Variants in DENND1A observed in about 807,000 individuals in gnomAD.
The protein encoded by DENND1A is DENN domain containing 1A.
In DENND1A, 51 loss-of-function variants were observed where a neutral mutation model predicts 113.7. The observed-to-expected ratio is 0.45, with a 90% CI of 0.36 to 0.57. DENND1A has a LOEUF of 0.57. Ranked by LOEUF, DENND1A falls within the 20% of genes least tolerant of loss-of-function variation. The pLI, the probability that DENND1A is intolerant of heterozygous loss-of-function variation, is 0.00. For synonymous variants in DENND1A, 565 were observed against 570.8 expected (o/e 0.99, Z 0.14); for missense variants, 1,258 against 1,395.9 (o/e 0.90, Z 1.57).
At chr9:123,450,638 TGGCCATGCA>T in intron 18 of DENND1A, 46 bp downstream of exon 18, 1 of 1,445,754 alleles carries the variant, frequency 6.9e-7, no homozygotes, top group Non-Finnish European at 9.6e-7. Flanking sequence ...TACTTTTTTG[TGGCCATGCA>T]TTTCATACAT....
At chr9:123,581,513 T>G (rs897684751) in intron 12 of DENND1A, among the ~76,000 whole-genome samples, 2 of 151,844 alleles carry the variant, frequency 1.3e-5, no homozygotes, top group African/African-American at 4.8e-5. Context: ...CGGTCCCAGC[T>G]ACTTGGGAGG....
At chr9:123,743,119 C>G (rs1243124699) in intron 5 of DENND1A, among the ~76,000 whole-genome samples, 1 of 152,136 alleles carries the variant, frequency 6.6e-6, no homozygotes, top group Non-Finnish European at 1.5e-5. Flanking sequence ...AAAAATCTCT[C>G]CTGAGCGAGG....
At chr9:123,623,647 A>C (rs907818807) in intron 10 of DENND1A, among the ~76,000 whole-genome samples, 8 of 152,248 alleles carry the variant, frequency 5.3e-5, no homozygotes, top group African/African-American at 1.9e-4. Context: ...TATAGCTCTA[A>C]TTAAAGTTAA....
At position 123,382,145 on chromosome 9, in the gene DENND1A, C is replaced by T. The variant is rs139597680; in HGVS notation, c.2500G>A (p.Gly834Arg). 1.3e-4 allele frequency: 200 copies of T among 1,599,700 alleles called. 1 individual carries two copies. The African/African-American group carries it at 1.6e-3, about 13-fold the overall frequency. Residue 834 changes from glycine (G) to arginine (R), a missense_variant, in exon 24 of 24, where the codon GGG becomes AGG. Around this residue, in one of 2 missense-constraint regions of DENND1A, gnomAD observed 1,159 missense variants for 1,231.7 expected, o/e 0.94. Transcript: ENST00000394215. ...GCGTCACTGCTCGTGCCTGCAGCCC[C>T]GGGGCCAGGGCTGAGCGGCTGGAGC... ...ELLQPLSPGP[G>R]AAGTSSDALL...
chr9:123,391,796 T>A (rs1003372370), intron 21 of DENND1A, among the ~76,000 whole-genome samples: 1 of 142,142 alleles, frequency 7.0e-6, no homozygotes, highest in East Asian at 2.1e-4. Flanking sequence ...TTTTCCCTCA[T>A]TAACCCAATT....
chr9:123,632,076 A>G (rs779519515), intron 9 of DENND1A, among the ~76,000 whole-genome samples: 2 of 152,144 alleles, frequency 1.3e-5, no homozygotes, highest in East Asian at 1.9e-4. Context: ...TGACGTGCCA[A>G]GGCCCAGTTA....
intron 2 of DENND1A, among the ~76,000 whole-genome samples, chr9:123,820,742 T>C (rs1838329904): frequency 6.6e-6 from 1 of 152,262 alleles, no homozygotes; most frequent in South Asian, 2.1e-4. Context: ...TTTTGTAGGA[T>C]TAAAGTTTTA....
chr9:123,829,600 A>C (rs778417689), intron 2 of DENND1A, among the ~76,000 whole-genome samples: 4 of 152,060 alleles, frequency 2.6e-5, no homozygotes, highest in Non-Finnish European at 5.9e-5. Context: ...AAAATCAAAC[A>C]GATGGATAAT....
intron 2 of DENND1A, among the ~76,000 whole-genome samples, chr9:123,796,447 G>T (rs1181344665): frequency 6.6e-6 from 1 of 152,058 alleles, no homozygotes; most frequent in Non-Finnish European, 1.5e-5. Flanking sequence ...TTTAAGAAAG[G>T]CTAATCTTCT....
intron 13 of DENND1A, among the ~76,000 whole-genome samples, chr9:123,497,251 A>G (rs910691240): frequency 2.6e-5 from 4 of 152,258 alleles, no homozygotes; most frequent in African/African-American, 4.8e-5. Flanking sequence ...GGCCAGGCAC[A>G]GTGCAGTGAC....
At chr9:123,559,170 G>C (rs904066177) in intron 12 of DENND1A, among the ~76,000 whole-genome samples, 3 of 152,126 alleles carry the variant, frequency 2.0e-5, no homozygotes, top group Admixed American at 6.5e-5. Context: ...AGAGTTCAGG[G>C]AACAGAAAGA....
At chr9:123,472,370 CGAG>C in intron 13 of DENND1A, among the ~76,000 whole-genome samples, 1 of 152,252 alleles carries the variant, frequency 6.6e-6, no homozygotes, top group Non-Finnish European at 1.5e-5. Context: ...CGGTTCACAG[CGAG>C]GAGCTGTGTC....
chr9:123,407,473 C>T (rs2043967452), intron 20 of DENND1A, among the ~76,000 whole-genome samples: 1 of 152,180 alleles, frequency 6.6e-6, no homozygotes, highest in South Asian at 2.1e-4. Flanking sequence ...CACACACACA[C>T]GGTGGCAGAC....
intron 12 of DENND1A, among the ~76,000 whole-genome samples, chr9:123,582,160 A>G (rs2058930830): frequency 6.6e-6 from 1 of 151,706 alleles, no homozygotes; most frequent in African/African-American, 2.4e-5. Context: ...TGGTCTAGGA[A>G]AAAAATGTAG....
intron 1 of DENND1A, among the ~76,000 whole-genome samples, chr9:123,898,752 G>T (rs1330828673): frequency 1.3e-5 from 2 of 152,136 alleles, no homozygotes; most frequent in Non-Finnish European, 2.9e-5. Flanking sequence ...CTTTAATTTT[G>T]ATAAAGTTCA....
At chr9:123,615,038 C>T (rs999842688) in intron 10 of DENND1A, among the ~76,000 whole-genome samples, 1 of 152,198 alleles carries the variant, frequency 6.6e-6, no homozygotes, top group African/African-American at 2.4e-5. Flanking sequence ...CACCAGAGAA[C>T]ATATCTTGCT....
intron 2 of DENND1A, among the ~76,000 whole-genome samples, chr9:123,816,280 G>GT (rs1837472261): frequency 6.6e-6 from 1 of 152,106 alleles, no homozygotes; most frequent in South Asian, 2.1e-4. Context: ...GGGGTTATAG[G>GT]TATGAGCCAC....
intron 2 of DENND1A, among the ~76,000 whole-genome samples, chr9:123,804,271 GAGGCCTCCCC>G (rs1272691479): frequency 1.3e-5 from 2 of 152,194 alleles, no homozygotes; most frequent in African/African-American, 4.8e-5. Context: ...CCATGATTGT[GAGGCCTCCCC>G]AGGCATGTGG....
Position 123,644,920 on chromosome 9 carries a change from T to C in DENND1A, c.618+7093A>G, listed in dbSNP as rs374881818. 8.5e-5 allele frequency among the ~76,000 whole-genome samples: 13 copies of C among 152,272 alleles called. No homozygotes were observed. In the East Asian group the frequency reaches 2.1e-3, roughly 25 times the overall value. On this transcript the variant is annotated intron_variant, in intron 9 of 23. Coordinates refer to ENST00000394215, the MANE Select transcript of DENND1A (RefSeq NM_001352964.2). The stretch of plus-strand genomic sequence containing the variant: ...AGATCTTTGACCTACTTGCTCTCCA[T>C]AGAGTTCCAAAAAGCAGTATGAATT...
Sources: allele counts gnomAD v4.1 joint callset (sites outside exome capture counted in the v4.1 genomes callset), GRCh38; gene constraint gnomAD v4.1.1; regional missense constraint gnomAD v4.1.1; transcripts MANE v1.5; gene names NCBI Gene and HGNC (gene_info 2026-07-23, HGNC 2026-07-21).